The following AATK variants were observed in gnomAD, a reference collection of about 807,000 sequenced individuals.
AATK encodes the protein serine/threonine-protein kinase LMTK1.
Under a neutral mutation model 114.3 loss-of-function variants are expected in AATK, and 91 were observed. That is an observed-to-expected ratio of 0.80 (90% CI 0.67 to 0.95). AATK has a LOEUF of 0.95. Among genes scored for constraint, AATK ranks in the 40% least tolerant of loss-of-function variants. The probability of loss-of-function intolerance (pLI) is 0.00; values close to 1 mark genes in which losing one functional copy is unlikely to be tolerated. For synonymous variants in AATK, 1,075 were observed against 916.5 expected, an observed-to-expected ratio of 1.17 and a Z score of -3.12; for missense variants, 2,176 against 1,965.2, an observed-to-expected ratio of 1.11 and a Z score of -2.03.
Position 81,120,668 on chromosome 17 carries a change from G to T in AATK, c.3268C>A (p.Arg1090=). 3.3e-6 allele frequency: 5 copies of T among 1,517,900 alleles called. No individual in the cohort carries two copies. The highest frequency in any genetic ancestry group is 4.4e-6 in the Non-Finnish European group (5 of 1,135,096). 94.0% of individuals were successfully genotyped at this position (1,517,900 alleles called of 1,614,324 possible). The change falls in exon 11 of 14, where the codon CGG becomes AGG. Residue 1090 remains arginine, a synonymous_variant. Coordinates refer to ENST00000326724, the MANE Select transcript of AATK (RefSeq NM_001080395.3). ...PPEPQGPAKV[R]PGPSPSCSQF... ...GAGCAGCTGGGGCTGGGCCCAGGCC[G>T]CACCTTGGCTGGGCCTTGGGGCTCC...
At chr17:81,136,534 C>A (rs967501902) in intron 1 of AATK, among the ~76,000 whole-genome samples, 2 of 152,120 alleles carry the variant, frequency 1.3e-5, no homozygotes, top group Admixed American at 6.5e-5. Flanking sequence ...GGGCTCCCCC[C>A]AGCAGGACGC....
chr17:81,140,009 G>A lies in AATK; in HGVS notation c.56-5508C>T, dbSNP rs374473990. ...ATCAGCCACCCTCAGGACCCCCAAA[G>A]GATGACTCTATTTCTTTTTGTTTTA... On this transcript the variant is annotated intron_variant, in intron 1 of 13. Transcript: ENST00000326724. 3.7e-4 allele frequency among the ~76,000 whole-genome samples: 57 copies of A among 152,294 alleles called. No homozygotes were observed. The East Asian group carries it at 0.011, about 29-fold the overall frequency.
At chr17:81,156,256 CCATGTTACAATG>C (rs1567827953) in intron 1 of AATK, among the ~76,000 whole-genome samples, 1 of 151,442 alleles carries the variant, frequency 6.6e-6, no homozygotes, top group Non-Finnish European at 1.5e-5. Context: ...ATGTATGTTA[CCATGTTACAATG>C]TATGTTACTA....
intron 1 of AATK, among the ~76,000 whole-genome samples, chr17:81,140,452 C>T (rs535162778): frequency 6.6e-6 from 1 of 152,368 alleles, no homozygotes; most frequent in Admixed American, 6.5e-5. Flanking sequence ...GAGCTGTCCA[C>T]CTCCCGATCC....
intron 6 of AATK, among the ~76,000 whole-genome samples, chr17:81,127,003 C>G (rs1311252053): frequency 2.0e-5 from 3 of 151,212 alleles, no homozygotes; most frequent in African/African-American, 7.3e-5. Flanking sequence ...GGGATCCAGC[C>G]CAGCCACAGA....
At position 81,134,491 on chromosome 17, in the gene AATK, C is replaced by T. The variant is rs764038362; in HGVS notation, c.66G>A (p.Pro22=). 1.6e-5 allele frequency: 25 copies of T among 1,612,228 alleles called. No individual in the cohort carries two copies. Among genetic ancestry groups the T allele is most frequent in the Middle Eastern group, 1.7e-4 (1 of 6,056 alleles). Reference sequence around the variant, plus strand: ...AGGATGGCCAGGACAGCTCGCTGAGCGGGGCGCCGTCTGCGGGAGAGCAGT... The same window carrying T: ...AGGATGGCCAGGACAGCTCGCTGAGTGGGGCGCCGTCTGCGGGAGAGCAGT... ...FSSHFDPDGA[P]LSELSWPSSL... is the part of the protein sequence containing the mutation. The change falls in exon 2 of 14, where the codon CCG becomes CCA. Residue 22 remains proline (P), a synonymous_variant. Coordinates refer to ENST00000326724, the MANE Select transcript of AATK (RefSeq NM_001080395.3).
intron 1 of AATK, chr17:81,165,453 C>G (rs1257152216): frequency 5.4e-6 from 2 of 373,042 alleles, no homozygotes; most frequent in East Asian, 1.5e-4. Context: ...TGTGGACTGG[C>G]CCCTGCTCCC....
intron 3 of AATK, 83 bp downstream of exon 3, chr17:81,130,978 C>G: frequency 6.8e-7 from 1 of 1,478,248 alleles, no homozygotes; most frequent in African/African-American, 1.4e-5. Flanking sequence ...AGAGCTGAGT[C>G]TTCCGGTCTC....
chr17:81,130,061 C>G (rs2060905719), intron 3 of AATK, among the ~76,000 whole-genome samples: 1 of 152,194 alleles, frequency 6.6e-6, no homozygotes. Flanking sequence ...CTCTCAGGGC[C>G]CAGCCAGGCA....
intron 3 of AATK, among the ~76,000 whole-genome samples, chr17:81,130,130 C>T (rs2060907095): frequency 6.6e-6 from 1 of 152,254 alleles, no homozygotes; most frequent in Admixed American, 6.5e-5. Flanking sequence ...GTGAGGTGGC[C>T]TGCATGGCAC....
At chr17:81,145,078 C>CTCCGCCTCT (rs1450209300) in intron 1 of AATK, among the ~76,000 whole-genome samples, 1 of 151,984 alleles carries the variant, frequency 6.6e-6, no homozygotes, top group African/African-American at 2.4e-5. Flanking sequence ...ACTAAAAACA[C>CTCCGCCTCT]ACAAATTAGC....
In AATK at chr17:81,121,915, TG is replaced by T; in HGVS notation, c.2020del (p.Gln674SerfsTer171). ...LEEVGARRAA[Q>X]RGHWRSNVSA... ...CACGTTGGAGCGCCAGTGCCCGCGC[TG>T]GGCGGCCCTCCGCGCTCCCACCTCC... On this transcript the variant is annotated frameshift_variant, in exon 11 of 14. Coordinates refer to ENST00000326724, the MANE Select transcript of AATK (RefSeq NM_001080395.3). LOFTEE classifies it high-confidence loss of function. 1 of 1,600,570 alleles carries T rather than the reference TG, an allele frequency of 6.2e-7. No homozygotes were observed.
In AATK at chr17:81,119,696, G is replaced by A. The variant is rs1389647054; in HGVS notation, c.3884-116C>T. 3.1e-5 allele frequency: 24 copies of A among 768,542 alleles called. No individual in the cohort carries two copies. In the South Asian group the frequency reaches 4.6e-4, roughly 15 times the overall value. The allele number at this position is 768,542 out of a possible 1,614,324, so 47.6% of individuals were successfully genotyped here. On this transcript the variant is annotated intron_variant, in intron 12 of 13. Transcript: ENST00000326724. ...CCATCATGTCACGGGCCCAGGCCCC[G>A]CCTCCCATGATGTCACGGGCCCAGG...
chr17:81,121,011 G>C lies in AATK; in HGVS notation c.2925C>G (p.Pro975=), dbSNP rs550286805. ...ELASEGEGPG[P]ETRLSTSLSG... Reference sequence around the variant, plus strand: ...TGAGGGAGGTGGAGAGCCGTGTCTCGGGCCCGGGGCCCTCACCCTCTGAGG... The same window carrying C: ...TGAGGGAGGTGGAGAGCCGTGTCTCCGGCCCGGGGCCCTCACCCTCTGAGG... The change falls in exon 11 of 14, where the codon CCC becomes CCG. Residue 975 remains proline (P), a synonymous_variant. Coordinates refer to ENST00000326724, the MANE Select transcript of AATK (RefSeq NM_001080395.3). The C allele has an allele frequency of 4.8e-5, 77 of 1,609,886 alleles. No individual in the cohort carries two copies. The Admixed American group carries it at 5.4e-4, about 11-fold the overall frequency.
chr17:81,137,862 G>A (rs1470962883), intron 1 of AATK, among the ~76,000 whole-genome samples: 1 of 151,734 alleles, frequency 6.6e-6, no homozygotes, highest in Non-Finnish European at 1.5e-5. Flanking sequence ...TATCACACGT[G>A]TGCACACCCA....
At position 81,126,989 on chromosome 17, in the gene AATK, G is replaced by T. The variant is rs909128362; in HGVS notation, c.622-429C>A. Among the ~76,000 whole-genome samples, 1 of 151,546 alleles carries T rather than the reference G, an allele frequency of 6.6e-6. No individual in the cohort carries two copies. The highest frequency in any genetic ancestry group is 2.4e-5 in the African/African-American group (1 of 41,184). On this transcript the variant is annotated intron_variant, in intron 6 of 13. Coordinates refer to ENST00000326724, the MANE Select transcript of AATK (RefSeq NM_001080395.3). The surrounding 1 kb of genome is among the most constrained non-coding windows in gnomAD (Gnocchi z 5.1). Reference sequence around the variant, plus strand: ...AGGGCCCCTGTCCCGAGGGAAGCCAGCAGGGGATCCAGCCCAGCCACAGAC... The same window carrying T: ...AGGGCCCCTGTCCCGAGGGAAGCCATCAGGGGATCCAGCCCAGCCACAGAC...
intron 1 of AATK, among the ~76,000 whole-genome samples, chr17:81,136,492 T>C (rs2061011566): frequency 6.6e-6 from 1 of 151,768 alleles, no homozygotes; most frequent in Admixed American, 6.6e-5. Flanking sequence ...GCCTCAGCCT[T>C]CCCACCTCCA....
chr17:81,154,790 C>G (rs564690330), intron 1 of AATK, among the ~76,000 whole-genome samples: 2 of 121,936 alleles, frequency 1.6e-5, no homozygotes, highest in African/African-American at 4.0e-5. Context: ...CCATCACACC[C>G]GGCTAATTTT....
chr17:81,156,291 T>C (rs536742671), intron 1 of AATK, among the ~76,000 whole-genome samples: 1 of 149,246 alleles, frequency 6.7e-6, no homozygotes, highest in Admixed American at 6.6e-5. Flanking sequence ...TTACAATGTA[T>C]GTTACTATGG....
Sources: gnomAD v4.1 joint callset for allele counts (sites outside exome capture counted in the v4.1 genomes callset) on GRCh38, gnomAD v4.1.1 for gene constraint, Gnocchi (gnomAD v3.1) non-coding constraint, MANE v1.5 for transcripts, NCBI Gene and HGNC (gene_info 2026-07-23, HGNC 2026-07-21) for gene names.